Variants in ARHGAP5 observed in about 807,000 individuals in gnomAD.
ARHGAP5 encodes the protein rho GTPase-activating protein 5.
In ARHGAP5, 23 loss-of-function variants were observed where a neutral mutation model predicts 116.6. The ratio of observed to expected loss-of-function variants is 0.20; its 90% CI spans 0.14 to 0.28. ARHGAP5 has a LOEUF of 0.28. ARHGAP5 is among the 10% of genes least tolerant of loss of function. ARHGAP5 has a pLI of 1.00. For synonymous variants in ARHGAP5, 574 were observed against 602.0 expected (o/e 0.95, Z 0.68); for missense variants, 1,405 against 1,774.8 (o/e 0.79, Z 3.74).
At chr14:32,140,217 A>G (rs914927568) in intron 3 of ARHGAP5, among the ~76,000 whole-genome samples, 1 of 149,428 alleles carries the variant, frequency 6.7e-6, no homozygotes, top group Non-Finnish European at 1.5e-5. Context: ...CACTGCACCC[A>G]CTAAATCGTC....
chr14:32,138,211 C>T (rs946002598), intron 3 of ARHGAP5, among the ~76,000 whole-genome samples: 3 of 151,902 alleles, frequency 2.0e-5, no homozygotes, highest in East Asian at 2.0e-4. Flanking sequence ...ATACAACTAA[C>T]TTTTATGTGT....
Position 32,102,512 on chromosome 14 carries a change from T to C in ARHGAP5, c.3717+8126T>C, listed in dbSNP as rs1468017929. On this transcript the variant is annotated intron_variant, in intron 2 of 6. Coordinates refer to ENST00000345122, the MANE Select transcript of ARHGAP5 (RefSeq NM_001030055.2). ...TTGCAGTGAACTGTGACTGCACCAC[T>C]GCATTCTGGTCTGTGCAACAGAGCG... is the stretch of plus-strand genomic sequence containing the variant. Among the ~76,000 whole-genome samples, 7 of 152,344 alleles carry C rather than the reference T, an allele frequency of 4.6e-5. No individual in the cohort carries two copies. In the East Asian group the frequency reaches 1.3e-3, roughly 29 times the overall value.
In ARHGAP5 at chr14:32,156,771, A is replaced by G. The variant is rs1398473347; in HGVS notation, c.*1823A>G. ...GAAAATTAAACTTTAAGAGTTTTAT[A>G]AACTGTTTCTAGGTTGCTAAAGAAT... is the stretch of plus-strand genomic sequence containing the variant. On this transcript the variant is annotated 3_prime_UTR_variant, in exon 7 of 7. Coordinates refer to ENST00000345122, the MANE Select transcript of ARHGAP5 (RefSeq NM_001030055.2). 2 of 152,370 alleles carry G rather than the reference A, an allele frequency of 1.3e-5. No individual in the cohort carries two copies. The highest frequency in any genetic ancestry group is 2.9e-5 in the Non-Finnish European group (2 of 67,824). 9.4% of individuals were successfully genotyped at this position (152,370 alleles called of 1,614,324 possible).
chr14:32,089,062 G>C (rs898480538), intron 1 of ARHGAP5, among the ~76,000 whole-genome samples: 1 of 151,980 alleles, frequency 6.6e-6, no homozygotes, highest in Admixed American at 6.6e-5. Flanking sequence ...TTGTTTGACT[G>C]TCAGATGGCT....
chr14:32,104,878 C>G (rs1288032299), intron 2 of ARHGAP5, among the ~76,000 whole-genome samples: 1 of 152,170 alleles, frequency 6.6e-6, no homozygotes, highest in Non-Finnish European at 1.5e-5. Context: ...CAGTGGCTAT[C>G]AACCAGGGTC....
chr14:32,131,974 C>T (rs1010438300), intron 3 of ARHGAP5, among the ~76,000 whole-genome samples: 19 of 152,146 alleles, frequency 1.2e-4, no homozygotes, highest in African/African-American at 4.3e-4. Flanking sequence ...TTTCTTAATC[C>T]AGTCTGTCCT....
At chr14:32,117,076 T>C in intron 2 of ARHGAP5, 64 bp from the exon 3 acceptor site, 2 of 1,312,338 alleles carry the variant, frequency 1.5e-6, no homozygotes. Context: ...TGTATTTACA[T>C]TGCTCATTAC....
chr14:32,087,834 T>C (rs116282881), intron 1 of ARHGAP5, among the ~76,000 whole-genome samples: 2 of 152,042 alleles, frequency 1.3e-5, no homozygotes, highest in East Asian at 3.8e-4. Flanking sequence ...AAGATTCATA[T>C]TGCCACTGTC....
intron 3 of ARHGAP5, among the ~76,000 whole-genome samples, chr14:32,118,257 G>A (rs749432891): frequency 2.3e-4 from 35 of 152,176 alleles, no homozygotes; most frequent in South Asian, 4.1e-4. Context: ...CCAGCACTTT[G>A]GGAGGCTGAG....
intron 3 of ARHGAP5, among the ~76,000 whole-genome samples, chr14:32,121,790 T>C (rs1490422682): frequency 6.6e-6 from 1 of 152,240 alleles, no homozygotes; most frequent in Non-Finnish European, 1.5e-5. Flanking sequence ...TTTCTGCCTT[T>C]ACAGGCTTGC....
chr14:32,150,170 G>C (rs571234805), intron 5 of ARHGAP5, 137 bp downstream of exon 5: 3 of 648,416 alleles, frequency 4.6e-6, no homozygotes, highest in Non-Finnish European at 6.8e-6. Context: ...TTTCTTAAAG[G>C]CATTTTCCTC....
chr14:32,127,579 C>T (rs1377911080), intron 3 of ARHGAP5, among the ~76,000 whole-genome samples: 1 of 152,248 alleles, frequency 6.6e-6, no homozygotes, highest in African/African-American at 2.4e-5. Flanking sequence ...CTTCTTTCTA[C>T]GCAGACACAG....
intron 1 of ARHGAP5, among the ~76,000 whole-genome samples, chr14:32,081,001 A>G (rs1165932346): frequency 6.6e-6 from 1 of 152,192 alleles, no homozygotes; most frequent in East Asian, 1.9e-4. Context: ...AAAAATGGAT[A>G]TTCATTTTTC....
At chr14:32,105,769 C>G (rs1343266989) in intron 2 of ARHGAP5, among the ~76,000 whole-genome samples, 1 of 152,190 alleles carries the variant, frequency 6.6e-6, no homozygotes, top group African/African-American at 2.4e-5. Flanking sequence ...TAACTACATG[C>G]TTTTCCTTCT....
Position 32,093,542 on chromosome 14 carries a change from C to T in ARHGAP5, c.2873C>T (p.Thr958Ile). 6.2e-7 allele frequency: 1 copy of T among 1,613,808 alleles called. No individual in the cohort carries two copies. Among genetic ancestry groups the T allele is most frequent in the Non-Finnish European group, 8.5e-7 (1 of 1,179,868 alleles). Residue 958 changes from threonine (T) to isoleucine (I), a missense_variant, in exon 2 of 7, where the codon ACC becomes ATC. Thr to Ile is a moderately conservative substitution (Grantham distance 89, BLOSUM62 -1). Transcript: ENST00000345122. ...SYLSDNTRES[T>I]HQSEDVFLPS... ...TTGTCTGATAATACAAGGGAATCAA[C>T]CCATCAAAGTGAAGATGTTTTTCTA...
At position 32,087,122 on chromosome 14, in the gene ARHGAP5, C is replaced by T. The variant is rs190897515; in HGVS notation, c.-168-3380C>T. On this transcript the variant is annotated intron_variant, in intron 1 of 6. Coordinates refer to ENST00000345122, the MANE Select transcript of ARHGAP5 (RefSeq NM_001030055.2). Reference sequence around the variant, plus strand: ...AGACTGAAAGGAATTTTTAAGTTAACTCAAACAGCCTTCATATCATTGAAG... The same window carrying T: ...AGACTGAAAGGAATTTTTAAGTTAATTCAAACAGCCTTCATATCATTGAAG... Among the ~76,000 whole-genome samples the T allele has an allele frequency of 2.3e-3, 344 of 151,854 alleles. 1 individual carries two copies. The highest frequency in any genetic ancestry group is 6.8e-3 in the Middle Eastern group (2 of 294).
At chr14:32,145,645 G>A (rs1441996797) in intron 3 of ARHGAP5, among the ~76,000 whole-genome samples, 1 of 152,042 alleles carries the variant, frequency 6.6e-6, no homozygotes, top group Non-Finnish European at 1.5e-5. Flanking sequence ...TCATTAGCCG[G>A]TTTGCCTTCT....
intron 2 of ARHGAP5, among the ~76,000 whole-genome samples, chr14:32,097,641 G>A (rs1878593384): frequency 6.6e-6 from 1 of 152,050 alleles, no homozygotes; most frequent in Non-Finnish European, 1.5e-5. Flanking sequence ...AAAAAGAAAA[G>A]CATGAGTGCT....
At chr14:32,145,397 T>C (rs747024766) in intron 3 of ARHGAP5, among the ~76,000 whole-genome samples, 29 of 152,226 alleles carry the variant, frequency 1.9e-4, no homozygotes, top group Non-Finnish European at 4.1e-4. Context: ...AAAAAGGTTT[T>C]GTTTTGCTAG....
Sources: allele counts gnomAD v4.1 joint callset (sites outside exome capture counted in the v4.1 genomes callset), GRCh38; gene constraint gnomAD v4.1.1; transcripts MANE v1.5; gene names NCBI Gene and HGNC (gene_info 2026-07-23, HGNC 2026-07-21).